The following FBP1 variants were observed in gnomAD, a reference collection of about 807,000 sequenced individuals.
FBP1 encodes the protein fructose-1,6-bisphosphatase 1.
Under a neutral mutation model 29.9 loss-of-function variants are expected in FBP1, and 22 were observed. The observed-to-expected ratio is 0.74, with a 90% CI of 0.53 to 1.05. FBP1 has a LOEUF of 1.05. Among genes scored for constraint, FBP1 ranks in the 50% least tolerant of loss-of-function variants. The probability of loss-of-function intolerance (pLI) is 0.00; values close to 1 mark genes in which losing one functional copy is unlikely to be tolerated. For missense variants in FBP1, 345 were observed against 448.2 expected, an observed-to-expected ratio of 0.77 and a Z score of 2.08; for synonymous variants, 175 against 178.6, an observed-to-expected ratio of 0.98 and a Z score of 0.16.
intron 1 of FBP1, among the ~76,000 whole-genome samples, chr9:94,636,166 T>A (rs1828187799): frequency 6.6e-6 from 1 of 152,072 alleles, no homozygotes; most frequent in Non-Finnish European, 1.5e-5. Context: ...AACCTGGTAT[T>A]CACAACTATC....
In FBP1 at chr9:94,639,437, C is replaced by A. The variant is rs1048185959; in HGVS notation, c.-127G>T. The A allele has an allele frequency of 3.7e-5, 41 of 1,102,694 alleles. No individual in the cohort carries two copies. In the Admixed American group the frequency reaches 4.4e-4, roughly 12 times the overall value. 68.3% of individuals were successfully genotyped at this position (1,102,694 alleles called of 1,614,324 possible). On this transcript the variant is annotated 5_prime_UTR_variant, in exon 1 of 7. Coordinates refer to ENST00000375326, the MANE Select transcript of FBP1 (RefSeq NM_000507.4). ...GAGCTGCAGGTGCGGGCGGCAGGTG[C>A]GGGCCGCGGGACCTGGCGGGAGGAC...
In FBP1 at chr9:94,616,902, C is replaced by G. The variant is rs150855143; in HGVS notation, c.426+866G>C. Among the ~76,000 whole-genome samples, 1,473 of 150,186 alleles carry G rather than the reference C, an allele frequency of 9.8e-3. 27 individuals are homozygous for G. Among genetic ancestry groups the G allele is most frequent in the African/African-American group, 0.035 (1,411 of 40,544 alleles). ...CTCTCCTCCCTCTCCTCCTCCTCCTCCCTCTCCTCTCTCTCCTCTCTCTCT... is the reference window on the plus strand; with the variant it reads ...CTCTCCTCCCTCTCCTCCTCCTCCTGCCTCTCCTCTCTCTCCTCTCTCTCT... On this transcript the variant is annotated intron_variant, in intron 3 of 6. Coordinates refer to ENST00000375326, the MANE Select transcript of FBP1 (RefSeq NM_000507.4).
intron 1 of FBP1, among the ~76,000 whole-genome samples, chr9:94,633,771 C>T (rs111923285): frequency 9.2e-5 from 14 of 151,890 alleles, no homozygotes; most frequent in African/African-American, 2.9e-4. Flanking sequence ...GTGGCGCGAT[C>T]TCGGCTCACT....
chr9:94,619,758 C>T (rs10119826), intron 2 of FBP1, among the ~76,000 whole-genome samples: 118,617 of 151,272 alleles, frequency 0.78, 47,763 homozygotes, highest in East Asian at 0.96. Flanking sequence ...CCTGTAATCC[C>T]AGCTACTCAG....
chr9:94,625,136 C>T (rs969671184), intron 1 of FBP1, among the ~76,000 whole-genome samples: 4 of 91,472 alleles, frequency 4.4e-5, no homozygotes, highest in Admixed American at 4.1e-4. Context: ...TGAGAAGCAA[C>T]TTCTGTTGCC....
At chr9:94,619,358 G>A (rs954975206) in intron 2 of FBP1, among the ~76,000 whole-genome samples, 1 of 152,086 alleles carries the variant, frequency 6.6e-6, no homozygotes, top group Non-Finnish European at 1.5e-5. Context: ...CATGTTCCCA[G>A]TTCCTCTCAA....
At chr9:94,620,620 G>A (rs2131489848) in intron 1 of FBP1, 129 bp from the exon 2 acceptor site, 3 of 868,076 alleles carry the variant, frequency 3.5e-6, no homozygotes, top group South Asian at 1.4e-5. Context: ...GCAGGGACAT[G>A]GATGAAGCTG....
intron 3 of FBP1, among the ~76,000 whole-genome samples, chr9:94,615,303 G>A (rs1313923216): frequency 6.6e-6 from 1 of 152,104 alleles, no homozygotes; most frequent in African/African-American, 2.4e-5. Flanking sequence ...TCAAGCTGCT[G>A]TTGCAAGCTG....
intron 1 of FBP1, among the ~76,000 whole-genome samples, chr9:94,622,229 C>T (rs1428388436): frequency 6.6e-6 from 1 of 152,222 alleles, no homozygotes; most frequent in Non-Finnish European, 1.5e-5. Flanking sequence ...GTTGTCATAG[C>T]CTGGGGTTGC....
chr9:94,617,651 C>A, intron 3 of FBP1, 117 bp downstream of exon 3: 1 of 731,458 alleles, frequency 1.4e-6, no homozygotes, highest in Admixed American at 2.0e-5. Context: ...TACAAATCTA[C>A]TTCAGTCTCA....
intron 1 of FBP1, among the ~76,000 whole-genome samples, chr9:94,630,968 G>A (rs1386993973): frequency 6.6e-6 from 1 of 152,156 alleles, no homozygotes; most frequent in Non-Finnish European, 1.5e-5. Context: ...TTGGGGGAAG[G>A]GGAGGTATCT....
At chr9:94,611,965 C>A (rs2993905) in intron 3 of FBP1, among the ~76,000 whole-genome samples, 39,203 of 151,926 alleles carry the variant, frequency 0.26, 6,143 homozygotes, top group East Asian at 0.54. Context: ...TTCTTTCCAC[C>A]GCTTCCCTGC....
At chr9:94,639,647 A>G (rs532265233), upstream of FBP1, 52 of 446,510 alleles carry the variant, frequency 1.2e-4, no homozygotes, top group East Asian at 2.2e-3. Flanking sequence ...TCTTCAGACA[A>G]GGTCGGGGAT....
intron 4 of FBP1, among the ~76,000 whole-genome samples, chr9:94,609,129 C>T (rs1345336092): frequency 6.6e-6 from 1 of 150,468 alleles, no homozygotes; most frequent in African/African-American, 2.5e-5. Context: ...GCAGAACTTG[C>T]AGTGAGCCGA....
At position 94,623,672 on chromosome 9, in the gene FBP1, CCA is replaced by C. The variant is rs1827980287; in HGVS notation, c.171-3183_171-3182del. On this transcript the variant is annotated intron_variant, in intron 1 of 6. Transcript: ENST00000375326. The stretch of plus-strand genomic sequence containing the variant: ...GGCACTTCCCTCAGGAACACTCAGG[CCA>C]TGTGGTCTCTTTTACTCAAAATCTT... Among the ~76,000 whole-genome samples the C allele has an allele frequency of 2.0e-5, 3 of 152,188 alleles. No homozygotes were observed. In the South Asian group the frequency reaches 6.2e-4, roughly 31 times the overall value.
intron 4 of FBP1, among the ~76,000 whole-genome samples, chr9:94,608,668 C>G (rs1352417240): frequency 6.6e-6 from 1 of 152,004 alleles, no homozygotes; most frequent in Admixed American, 6.6e-5. Flanking sequence ...TTACCCTACC[C>G]TTGTTTATTT....
intron 1 of FBP1, among the ~76,000 whole-genome samples, chr9:94,633,930 T>C (rs1448501863): frequency 1.3e-5 from 2 of 150,808 alleles, no homozygotes; most frequent in African/African-American, 2.4e-5. Flanking sequence ...ATGGTCTCGA[T>C]CTCCTGACCT....
intron 1 of FBP1, 62 bp downstream of exon 1, chr9:94,639,079 C>A (rs1587870958): frequency 1.3e-6 from 2 of 1,519,858 alleles, no homozygotes; most frequent in African/African-American, 2.8e-5. Flanking sequence ...AACGTCAGCC[C>A]GCCGGGCAGG....
At chr9:94,635,557 C>T (rs1164267174) in intron 1 of FBP1, among the ~76,000 whole-genome samples, 1 of 152,220 alleles carries the variant, frequency 6.6e-6, no homozygotes, top group African/African-American at 2.4e-5. Flanking sequence ...TGCAGGAATG[C>T]TGGTTTTTCT....
Sources: gnomAD v4.1 joint callset for allele counts (sites outside exome capture counted in the v4.1 genomes callset) on GRCh38, gnomAD v4.1.1 for gene constraint, MANE v1.5 for transcripts, NCBI Gene and HGNC (gene_info 2026-07-23, HGNC 2026-07-21) for gene names.